POU2AF2: variants seen among roughly 807,000 people sequenced by gnomAD.
POU2AF2 encodes the protein POU class 2 homeobox associating factor 2.
At chr11:111,280,078 A>ATATATATATC in the POU2AF2 span, among the ~76,000 whole-genome samples, 1 of 129,634 alleles carries the variant, frequency 7.7e-6, no homozygotes, top group African/African-American at 2.7e-5. Flanking sequence ...ATATATATAT[A>ATATATATATC]TATCTTTTGG....
the POU2AF2 span, among the ~76,000 whole-genome samples, chr11:111,260,885 G>A: frequency 1.3e-5 from 2 of 152,312 alleles, no homozygotes; most frequent in East Asian, 1.9e-4. Flanking sequence ...TCTATTGGAT[G>A]CCCAAATTGC....
chr11:111,265,341 C>G, the POU2AF2 span, among the ~76,000 whole-genome samples: 1 of 152,192 alleles, frequency 6.6e-6, no homozygotes, highest in Non-Finnish European at 1.5e-5. Flanking sequence ...TTTCTTAAAT[C>G]TGTCCCTCAA....
the POU2AF2 span, among the ~76,000 whole-genome samples, chr11:111,246,303 T>C: frequency 6.6e-6 from 1 of 152,234 alleles, no homozygotes; most frequent in African/African-American, 2.4e-5. Context: ...CATCTTGTTT[T>C]AGGCTTTTAA....
the POU2AF2 span, among the ~76,000 whole-genome samples, chr11:111,266,818 T>C: frequency 6.6e-6 from 1 of 152,172 alleles, no homozygotes; most frequent in Non-Finnish European, 1.5e-5. Context: ...AGGTTGAAAG[T>C]AGTGAGGCTT....
the POU2AF2 span, among the ~76,000 whole-genome samples, chr11:111,247,680 G>C: frequency 1.3e-5 from 2 of 151,478 alleles, no homozygotes; most frequent in African/African-American, 4.8e-5. Context: ...CCAGCTACTC[G>C]GGAGGCTGAG....
At chr11:111,280,859 A>T in the POU2AF2 span, among the ~76,000 whole-genome samples, 1 of 152,254 alleles carries the variant, frequency 6.6e-6, no homozygotes, top group South Asian at 2.1e-4. Flanking sequence ...ATTGTGAAGA[A>T]GGCGAAAGAA....
the POU2AF2 span, among the ~76,000 whole-genome samples, chr11:111,266,854 T>G: frequency 6.6e-6 from 1 of 152,212 alleles, no homozygotes; most frequent in Admixed American, 6.5e-5. Context: ...TTTGTGGGAC[T>G]CCAGGTCTTC....
chr11:111,274,735 C>CTAAA, the POU2AF2 span, among the ~76,000 whole-genome samples: 1 of 151,536 alleles, frequency 6.6e-6, no homozygotes, highest in Non-Finnish European at 1.5e-5. Flanking sequence ...CTCCATTATA[C>CTAAA]TAAATTTTTT....
chr11:111,257,361 C>CTTT, the POU2AF2 span, among the ~76,000 whole-genome samples: 2 of 141,680 alleles, frequency 1.4e-5, no homozygotes, highest in African/African-American at 5.2e-5. Flanking sequence ...TTTATGTTAT[C>CTTT]TTTTTTTTTT....
At chr11:111,247,977 G>A in the POU2AF2 span, among the ~76,000 whole-genome samples, 5 of 139,684 alleles carry the variant, frequency 3.6e-5, no homozygotes, top group African/African-American at 5.3e-5. Context: ...TCCGCCTCCC[G>A]AATTCACGCC....
the POU2AF2 span, among the ~76,000 whole-genome samples, chr11:111,259,638 T>C: frequency 6.6e-6 from 1 of 152,134 alleles, no homozygotes; most frequent in Non-Finnish European, 1.5e-5. Context: ...TTAAAGGGAA[T>C]GGCCAAAGGG....
At chr11:111,263,773 G>A in the POU2AF2 span, among the ~76,000 whole-genome samples, 1 of 152,140 alleles carries the variant, frequency 6.6e-6, no homozygotes, top group African/African-American at 2.4e-5. Flanking sequence ...GCATAGCGAA[G>A]AGTTTGGGCT....
At chr11:111,282,216 T>C in the POU2AF2 span, among the ~76,000 whole-genome samples, 1 of 152,206 alleles carries the variant, frequency 6.6e-6, no homozygotes, top group Non-Finnish European at 1.5e-5. Flanking sequence ...CGTGGTTGTT[T>C]TGATTTGGAA....
the POU2AF2 span, among the ~76,000 whole-genome samples, chr11:111,276,453 A>AAAAAAATATATATATATAT: frequency 8.0e-5 from 3 of 37,652 alleles, no homozygotes; most frequent in South Asian, 1.1e-3. Context: ...AAAAAAAAAA[A>AAAAAAATATATATATATAT]ATATATATAT....
chr11:111,248,341 G>T, the POU2AF2 span, among the ~76,000 whole-genome samples: 1 of 152,118 alleles, frequency 6.6e-6, no homozygotes, highest in Non-Finnish European at 1.5e-5. Context: ...GGGGAGGGAT[G>T]CCCACAGCAC....
At chr11:111,260,243 T>A in the POU2AF2 span, among the ~76,000 whole-genome samples, 3 of 152,178 alleles carry the variant, frequency 2.0e-5, no homozygotes, top group Non-Finnish European at 4.4e-5. Context: ...AAGTCATTCA[T>A]TAGACATGCT....
At chr11:111,270,493 C>A in the POU2AF2 span, among the ~76,000 whole-genome samples, 1 of 152,138 alleles carries the variant, frequency 6.6e-6, no homozygotes, top group Non-Finnish European at 1.5e-5. Context: ...GATAAATCCC[C>A]TATAACCTAG....
At chr11:111,246,731 GTTA>G in the POU2AF2 span, among the ~76,000 whole-genome samples, 4 of 152,128 alleles carry the variant, frequency 2.6e-5, no homozygotes, top group Admixed American at 6.5e-5. Context: ...TTCACAGCAT[GTTA>G]TTATATAGAT....
chr11:111,269,214 A>C, the POU2AF2 span, among the ~76,000 whole-genome samples: 300 of 151,548 alleles, frequency 2.0e-3, no homozygotes, highest in African/African-American at 6.9e-3. Context: ...AGAAAAAAAA[A>C]ATCTTCCGAG....
Sources: gnomAD v4.1 joint callset for allele counts (sites outside exome capture counted in the v4.1 genomes callset) on GRCh38, gnomAD v4.1.1 for gene constraint, MANE v1.5 for transcripts, NCBI Gene and HGNC (gene_info 2026-07-23, HGNC 2026-07-21) for gene names.